The following TPD52 variants were observed in gnomAD, a reference collection of about 807,000 sequenced individuals.
TPD52 encodes the protein tumor protein D52.
Under a neutral mutation model 31.3 loss-of-function variants are expected in TPD52, and 17 were observed. The ratio of observed to expected loss-of-function variants is 0.54; its 90% CI spans 0.37 to 0.82. The LOEUF (loss-of-function observed/expected upper bound fraction) is 0.82. Ranked by LOEUF, TPD52 falls within the 40% of genes least tolerant of loss-of-function variation. The pLI is 0.00. For missense variants in TPD52, 212 were observed against 240.1 expected, an observed-to-expected ratio of 0.88 and a Z score of 0.77; for synonymous variants, 83 against 89.6, an observed-to-expected ratio of 0.93 and a Z score of 0.42.
At chr8:80,053,898 C>G (rs994501460) in intron 2 of TPD52, among the ~76,000 whole-genome samples, 7 of 152,282 alleles carry the variant, frequency 4.6e-5, no homozygotes, top group Admixed American at 3.9e-4. Context: ...CCAAGCCAAA[C>G]CCAAATCCAA....
At chr8:80,099,498 T>C (rs1586296151) in intron 1 of TPD52, among the ~76,000 whole-genome samples, 1 of 150,368 alleles carries the variant, frequency 6.7e-6, no homozygotes, top group African/African-American at 2.5e-5. Flanking sequence ...AACTGGATGG[T>C]GGTCTAACAT....
At chr8:80,076,408 A>C (rs1207640056) in intron 1 of TPD52, among the ~76,000 whole-genome samples, 1 of 152,218 alleles carries the variant, frequency 6.6e-6, no homozygotes, top group African/African-American at 2.4e-5. Context: ...CAGGAACAGA[A>C]AACCAAACAG....
Position 80,080,571 on chromosome 8 carries a change from G to A in TPD52, c.20-15978C>T. ...ACTTCACTGAAGAAATCAACCCCAG[G>A]AGTTAGAGGCCCTGGCTTCTGGGCC... On this transcript the variant is annotated intron_variant, in intron 1 of 7. Transcript: ENST00000518937. 3 of 1,442,876 alleles carry A rather than the reference G, an allele frequency of 2.1e-6. 1 individual carries two copies. In the South Asian group the frequency reaches 4.9e-5, roughly 23 times the overall value. 89.4% of individuals were successfully genotyped at this position (1,442,876 alleles called of 1,614,324 possible). A position where few individuals can be genotyped will look rare whatever the true frequency, so the allele number is the denominator to read the frequency against.
chr8:80,105,433 C>A (rs4740105), intron 1 of TPD52, among the ~76,000 whole-genome samples: 5 of 151,988 alleles, frequency 3.3e-5, no homozygotes, highest in Admixed American at 3.3e-4. Flanking sequence ...TTCTAATTAC[C>A]GGTACATGCA....
chr8:80,129,640 A>C, intron 1 of TPD52, among the ~76,000 whole-genome samples: 1 of 151,852 alleles, frequency 6.6e-6, no homozygotes, highest in Non-Finnish European at 1.5e-5. Flanking sequence ...CACTGACTTT[A>C]GCAATTAGAA....
intron 1 of TPD52, among the ~76,000 whole-genome samples, chr8:80,164,415 G>A (rs1811576053): frequency 6.6e-6 from 1 of 152,184 alleles, no homozygotes; most frequent in African/African-American, 2.4e-5. Context: ...TTAGGCAGTT[G>A]GGTGGCCAAT....
chr8:80,114,137 G>C (rs1416546714), intron 1 of TPD52, among the ~76,000 whole-genome samples: 1 of 152,106 alleles, frequency 6.6e-6, no homozygotes, highest in African/African-American at 2.4e-5. Context: ...TGCTCAGCAG[G>C]CTGAGGTGGG....
At chr8:80,042,225 C>T in intron 7 of TPD52, 1 of 985,420 alleles carries the variant, frequency 1.0e-6, no homozygotes, top group Non-Finnish European at 1.2e-6. Context: ...ATACATCTAT[C>T]ACTGTCTGAG....
chr8:80,079,615 GAGA>G (rs766526525), intron 1 of TPD52, among the ~76,000 whole-genome samples: 9 of 152,096 alleles, frequency 5.9e-5, no homozygotes, highest in Admixed American at 1.3e-4. Flanking sequence ...GCAAATTACA[GAGA>G]AGGTCATTTA....
chr8:80,106,443 G>A (rs1273116080), intron 1 of TPD52, among the ~76,000 whole-genome samples: 1 of 152,016 alleles, frequency 6.6e-6, no homozygotes, highest in African/African-American at 2.4e-5. Flanking sequence ...TGCAGGCTCC[G>A]CCTCCCGGGT....
intron 1 of TPD52, among the ~76,000 whole-genome samples, chr8:80,072,351 G>GTGTGTGTGTA (rs1459261192): frequency 1.3e-5 from 2 of 149,654 alleles, no homozygotes; most frequent in Non-Finnish European, 1.5e-5. Context: ...GTGTGTGTAT[G>GTGTGTGTGTA]TGTGTATATA....
intron 1 of TPD52, among the ~76,000 whole-genome samples, chr8:80,112,499 TA>T (rs1224255021): frequency 6.6e-6 from 1 of 152,136 alleles, no homozygotes; most frequent in Non-Finnish European, 1.5e-5. Flanking sequence ...GTGATTCTGG[TA>T]TGAGTAGTCC....
chr8:80,128,112 T>A (rs1217161442), intron 1 of TPD52, among the ~76,000 whole-genome samples: 1 of 152,136 alleles, frequency 6.6e-6, no homozygotes, highest in Non-Finnish European at 1.5e-5. Flanking sequence ...TCTTATCACA[T>A]TACTAAGTAA....
At chr8:80,171,369 C>CT (rs1812083656) in intron 1 of TPD52, 56 bp downstream of exon 1, 1 of 587,192 alleles carries the variant, frequency 1.7e-6, no homozygotes, top group Non-Finnish European at 2.1e-6. Context: ...AGCCAAAGCC[C>CT]GAGTCCAAGC....
At chr8:80,141,619 G>A (rs539793648) in intron 1 of TPD52, among the ~76,000 whole-genome samples, 1 of 152,156 alleles carries the variant, frequency 6.6e-6, no homozygotes, top group Non-Finnish European at 1.5e-5. Flanking sequence ...GAAACTGTGA[G>A]ATATAAATGT....
At chr8:80,163,294 A>C (rs2131264950) in intron 1 of TPD52, among the ~76,000 whole-genome samples, 1 of 152,368 alleles carries the variant, frequency 6.6e-6, no homozygotes, top group South Asian at 2.1e-4. Context: ...ATTCAGCCTT[A>C]AGAAGGAAAT....
chr8:80,123,757 C>T (rs887011265), intron 1 of TPD52, among the ~76,000 whole-genome samples: 1 of 152,082 alleles, frequency 6.6e-6, no homozygotes, highest in Non-Finnish European at 1.5e-5. Context: ...CACAGAGAGG[C>T]AGGGAAACTG....
intron 1 of TPD52, among the ~76,000 whole-genome samples, chr8:80,119,419 A>AG (rs1808092624): frequency 6.6e-6 from 1 of 152,224 alleles, no homozygotes; most frequent in Non-Finnish European, 1.5e-5. Flanking sequence ...TCAGAATTAT[A>AG]TCTTAAAGAT....
At chr8:80,077,274 C>CA (rs368480127) in intron 1 of TPD52, among the ~76,000 whole-genome samples, 4,655 of 116,282 alleles carry the variant, frequency 0.04, 251 homozygotes, top group African/African-American at 0.14. Flanking sequence ...GACTCTGTCT[C>CA]AAAAAAAAAA....
Sources: gnomAD v4.1 joint callset for allele counts (sites outside exome capture counted in the v4.1 genomes callset) on GRCh38, gnomAD v4.1.1 for gene constraint, MANE v1.5 for transcripts, NCBI Gene and HGNC (gene_info 2026-07-23, HGNC 2026-07-21) for gene names.